The following AKAP13 variants were observed in gnomAD, a reference collection of about 807,000 sequenced individuals.
The protein encoded by AKAP13 is A-kinase anchoring protein 13.
Under a neutral mutation model 264.5 loss-of-function variants are expected in AKAP13, and 80 were observed. The observed-to-expected ratio is 0.30, with a 90% CI of 0.25 to 0.36. The LOEUF (loss-of-function observed/expected upper bound fraction) is 0.36, where lower values mean the gene tolerates loss of function less well. Ranked by LOEUF, AKAP13 falls within the 10% of genes least tolerant of loss-of-function variation. The pLI is 1.00. For missense variants in AKAP13, 3,712 were observed against 3,435.2 expected, an observed-to-expected ratio of 1.08 and a Z score of -2.01; for synonymous variants, 1,380 against 1,250.2, an observed-to-expected ratio of 1.10 and a Z score of -2.19.
chr15:85,623,333 A>G (rs1186423955), intron 8 of AKAP13, among the ~76,000 whole-genome samples: 2 of 152,240 alleles, frequency 1.3e-5, no homozygotes, highest in East Asian at 3.8e-4. Flanking sequence ...TGTGTTTAAC[A>G]GATGAGGTGA....
At chr15:85,490,413 G>A (rs1481171230) in intron 2 of AKAP13, among the ~76,000 whole-genome samples, 3 of 152,192 alleles carry the variant, frequency 2.0e-5, no homozygotes, top group African/African-American at 7.2e-5. Flanking sequence ...GTGTGTGCTT[G>A]AAACTACAGA....
chr15:85,662,538 G>A (rs1249623676), intron 12 of AKAP13: 2 of 1,514,994 alleles, frequency 1.3e-6, no homozygotes, highest in South Asian at 2.3e-5. Context: ...TGGCTTCTGT[G>A]TGGCTGGGAT....
At chr15:85,523,387 T>C (rs574599134) in intron 3 of AKAP13, among the ~76,000 whole-genome samples, 1 of 152,318 alleles carries the variant, frequency 6.6e-6, no homozygotes, top group South Asian at 2.1e-4. Flanking sequence ...CCTAAACTTC[T>C]TTAAATCTGC....
intron 1 of AKAP13, among the ~76,000 whole-genome samples, chr15:85,399,101 A>G (rs538264695): frequency 3.3e-5 from 5 of 152,314 alleles, no homozygotes; most frequent in South Asian, 2.1e-4. Context: ...AGATATTGTC[A>G]AGTTGTCTAC....
chr15:85,735,191 G>T, intron 31 of AKAP13, 41 bp downstream of exon 31: 1 of 1,597,646 alleles, frequency 6.3e-7, no homozygotes, highest in Non-Finnish European at 8.5e-7. Context: ...GGCAATCCTT[G>T]ACTATCTCAC....
chr15:85,479,151 G>A (rs989449141), intron 1 of AKAP13, among the ~76,000 whole-genome samples: 5 of 152,284 alleles, frequency 3.3e-5, no homozygotes, highest in African/African-American at 1.2e-4. Context: ...TCTTCAACAG[G>A]AAAAGCGTAT....
chr15:85,690,620 A>G (rs338553), intron 16 of AKAP13, among the ~76,000 whole-genome samples: 12,277 of 152,256 alleles, frequency 0.081, 834 homozygotes, highest in East Asian at 0.38. Context: ...AAAAGACTTC[A>G]CATGAATCAT....
At chr15:85,739,388 T>C (rs1442688551) in intron 33 of AKAP13, among the ~76,000 whole-genome samples, 1 of 152,242 alleles carries the variant, frequency 6.6e-6, no homozygotes, top group Non-Finnish European at 1.5e-5. Flanking sequence ...TAATTTTTAA[T>C]ATGTTATGCT....
At chr15:85,381,889 T>C (rs542951536) in intron 1 of AKAP13, 1 of 152,266 alleles carries the variant, frequency 6.6e-6, no homozygotes, top group South Asian at 2.1e-4. Context: ...TTCTGAACTG[T>C]TGGATTGCGC....
At chr15:85,388,090 A>G (rs373944553) in intron 1 of AKAP13, among the ~76,000 whole-genome samples, 1 of 150,476 alleles carries the variant, frequency 6.6e-6, no homozygotes, top group East Asian at 2.0e-4. Context: ...GCTGGAGTGC[A>G]GTGGTGCGAT....
chr15:85,468,339 T>C (rs1236231009), intron 1 of AKAP13, among the ~76,000 whole-genome samples: 1 of 152,224 alleles, frequency 6.6e-6, no homozygotes, highest in Admixed American at 6.5e-5. Context: ...AATCACACTG[T>C]GTTATGACTT....
intron 1 of AKAP13, among the ~76,000 whole-genome samples, chr15:85,387,422 C>T (rs1269982100): frequency 6.6e-6 from 1 of 151,938 alleles, no homozygotes; most frequent in Admixed American, 6.6e-5. Flanking sequence ...CCTTGATCTC[C>T]TGGGCCCAAG....
intron 1 of AKAP13, among the ~76,000 whole-genome samples, chr15:85,403,473 T>A: frequency 6.6e-6 from 1 of 152,208 alleles, no homozygotes; most frequent in Non-Finnish European, 1.5e-5. Flanking sequence ...TTTCCCAGCC[T>A]ATTTCAAGAT....
chr15:85,434,960 A>G (rs1798922825), intron 1 of AKAP13, among the ~76,000 whole-genome samples: 1 of 151,546 alleles, frequency 6.6e-6, no homozygotes, highest in Non-Finnish European at 1.5e-5. Flanking sequence ...AACGGAACAA[A>G]GCTGGATGGA....
intron 17 of AKAP13, among the ~76,000 whole-genome samples, chr15:85,704,089 T>C (rs567167506): frequency 9.8e-5 from 15 of 152,310 alleles, no homozygotes; most frequent in Non-Finnish European, 1.8e-4. Context: ...CCTCAACTTG[T>C]GTCCTGGAGA....
chr15:85,688,927 C>T (rs1368657495), intron 16 of AKAP13, among the ~76,000 whole-genome samples: 2 of 152,122 alleles, frequency 1.3e-5, no homozygotes, highest in Non-Finnish European at 2.9e-5. Flanking sequence ...AGTAATTTTG[C>T]GTGTTACAGA....
intron 16 of AKAP13, among the ~76,000 whole-genome samples, chr15:85,690,277 A>G (rs2151631131): frequency 6.6e-6 from 1 of 152,372 alleles, no homozygotes; most frequent in African/African-American, 2.4e-5. Flanking sequence ...TGAGAGGATA[A>G]GCTGGTTGCC....
intron 5 of AKAP13, among the ~76,000 whole-genome samples, chr15:85,562,686 CTTTTCTTTTTTT>C (rs2078436284): frequency 9.8e-5 from 6 of 61,102 alleles, no homozygotes; most frequent in Non-Finnish European, 1.9e-4. Context: ...CTTTTCTTTT[CTTTTCTTTTTTT>C]TTTTTTTTTT....
chr15:85,471,740 C>G (rs1294286673), intron 1 of AKAP13, among the ~76,000 whole-genome samples: 3 of 152,160 alleles, frequency 2.0e-5, no homozygotes, highest in African/African-American at 7.2e-5. Context: ...TTTGCCTTTT[C>G]TAGAATTGCA....
Sources: allele counts gnomAD v4.1 joint callset (sites outside exome capture counted in the v4.1 genomes callset), GRCh38; gene constraint gnomAD v4.1.1; transcripts MANE v1.5; gene names NCBI Gene and HGNC (gene_info 2026-07-23, HGNC 2026-07-21).